HAPLN2: variants seen among roughly 807,000 people sequenced by gnomAD.
HAPLN2 encodes the protein hyaluronan and proteoglycan link protein 2.
Under a neutral mutation model 29.3 loss-of-function variants are expected in HAPLN2, and 27 were observed. That is an observed-to-expected ratio of 0.92 (90% CI 0.68 to 1.27). The LOEUF (loss-of-function observed/expected upper bound fraction) is 1.27. Ranked by LOEUF, HAPLN2 falls within the 50% of genes most tolerant of loss-of-function variation. The pLI is 0.00. For synonymous variants in HAPLN2, 208 were observed against 211.7 expected (o/e 0.98, Z 0.15); for missense variants, 454 against 484.3 (o/e 0.94, Z 0.59).
At chr1:156,603,124 A>G in the HAPLN2 span, among the ~76,000 whole-genome samples, 1 of 152,150 alleles carries the variant, frequency 6.6e-6, no homozygotes, top group Non-Finnish European at 1.5e-5. Context: ...CTTCAAAGGC[A>G]TTCCTTAGAG....
At position 156,623,494 on chromosome 1, in the gene HAPLN2, C is replaced by T. The variant is rs1678324053; in HGVS notation, c.4C>T (p.Pro2Ser). 1 of 1,614,066 alleles carries T rather than the reference C, an allele frequency of 6.2e-7. No homozygotes were observed. Among genetic ancestry groups the T allele is most frequent in the Non-Finnish European group, 8.5e-7 (1 of 1,179,998 alleles). Residue 2 changes from proline (P) to serine (S), a missense_variant, in exon 3 of 7, where the codon CCA becomes TCA. Transcript: ENST00000255039. ...GGTGCCGGGCTGACCCCCCATCATG[C>T]CAGGCTGGCTCACCCTCCCCACACT... Reference protein sequence around the residue: MPGWLTLPTLCR... With the variant: MSGWLTLPTLCR...
At chr1:156,617,598 T>A (rs535306521), upstream of HAPLN2, among the ~76,000 whole-genome samples, 4 of 151,754 alleles carry the variant, frequency 2.6e-5, no homozygotes, top group South Asian at 8.4e-4. Flanking sequence ...ATCCGCCCAC[T>A]TCGGCCTCCC....
chr1:156,602,294 T>C, the HAPLN2 span, among the ~76,000 whole-genome samples: 4 of 151,964 alleles, frequency 2.6e-5, no homozygotes, highest in Non-Finnish European at 4.4e-5. Context: ...CCTTTGGTAC[T>C]GGGGGATAAA....
At chr1:156,618,765 C>G (rs537154884), upstream of HAPLN2, among the ~76,000 whole-genome samples, 318 of 112,894 alleles carry the variant, frequency 2.8e-3, 3 homozygotes, top group African/African-American at 0.011. Context: ...AGCGACAGTG[C>G]GAGACTCCGT....
the HAPLN2 span, among the ~76,000 whole-genome samples, chr1:156,603,808 G>C: frequency 1.4e-4 from 22 of 152,208 alleles, no homozygotes; most frequent in Admixed American, 1.4e-3. Flanking sequence ...CTCTTGTCCT[G>C]TTAGGCCTCA....
At chr1:156,622,018 G>A (rs1223268914) in intron 2 of HAPLN2, among the ~76,000 whole-genome samples, 1 of 151,252 alleles carries the variant, frequency 6.6e-6, no homozygotes, top group Non-Finnish European at 1.5e-5. Context: ...ATAGATAATT[G>A]CATTTGAAGT....
At chr1:156,619,583 T>A (rs1678154078) in intron 1 of HAPLN2, 48 bp downstream of exon 1, 2 of 152,212 alleles carry the variant, frequency 1.3e-5, no homozygotes, top group Admixed American at 1.3e-4. Context: ...GCTGCTTAGA[T>A]GAGGCGCATA....
intron 2 of HAPLN2, among the ~76,000 whole-genome samples, chr1:156,620,434 T>A (rs948529779): frequency 9.2e-5 from 14 of 152,216 alleles, no homozygotes; most frequent in African/African-American, 3.4e-4. Context: ...AATATACATG[T>A]AAAGTGCTTA....
chr1:156,624,003 T>A lies in HAPLN2; in HGVS notation c.282T>A (p.Tyr94Ter). 1 of 1,610,178 alleles carries A rather than the reference T, an allele frequency of 6.2e-7. No individual in the cohort carries two copies. Among genetic ancestry groups the A allele is most frequent in the Non-Finnish European group, 8.5e-7 (1 of 1,178,324 alleles). Residue 94 changes from tyrosine to a stop codon, truncating the protein, a stop_gained, in exon 4 of 7, where the codon TAT becomes TAA. Transcript: ENST00000255039. LOFTEE classifies it high-confidence loss of function. ...CCAACGGACTGCACGCCCGGGGGTATGGGCCCCTGGGAGGGCGCGCCAGGA... is the reference window on the plus strand; with the variant it reads ...CCAACGGACTGCACGCCCGGGGGTAAGGGCCCCTGGGAGGGCGCGCCAGGA... ...LITNGLHARG[Y>*]GPLGGRARMR...
At position 156,624,070 on chromosome 1, in the gene HAPLN2, G is replaced by A. The variant is rs768472349; in HGVS notation, c.349G>A (p.Gly117Ser). The A allele has an allele frequency of 6.2e-7, 1 of 1,613,486 alleles. No individual in the cohort carries two copies. Among genetic ancestry groups the A allele is most frequent in the African/African-American group, 1.3e-5 (1 of 74,926 alleles). The change falls in exon 4 of 7, where the codon GGC (glycine) becomes AGC (serine). Residue 117 changes from glycine (G) to serine (S), a missense_variant. Around this residue, in one of 3 missense-constraint regions of HAPLN2, gnomAD observed 204 missense variants for 209.2 expected, o/e 0.98. Transcript: ENST00000255039. ...ACTAGACGCCTCCCTGGTCATCGCG[G>A]GCGTGCGCCTGGAGGACGAGGGCCG... ...HRLDASLVIAGVRLEDEGRYR... is the reference protein window; with the variant it reads ...HRLDASLVIASVRLEDEGRYR...
chr1:156,604,360 T>C, the HAPLN2 span, among the ~76,000 whole-genome samples: 1 of 151,876 alleles, frequency 6.6e-6, no homozygotes, highest in South Asian at 2.1e-4. Flanking sequence ...TGGCACGATC[T>C]TGGTTCACTG....
chr1:156,618,478 TA>T (rs1046412040), upstream of HAPLN2, among the ~76,000 whole-genome samples: 8 of 151,030 alleles, frequency 5.3e-5, no homozygotes, highest in South Asian at 2.1e-4. Context: ...GGCCTTGTCT[TA>T]AAAAAAAAAT....
In HAPLN2 at chr1:156,625,675, G is replaced by T; in HGVS notation, c.*291G>T. ...CGCCGGGGGGAGGGTGAGGCGGCCG[G>T]GGGCATTAACTGACCTCTGAGTACA... On this transcript the variant is annotated 3_prime_UTR_variant, in exon 7 of 7. Transcript: ENST00000255039. This position sits in a 1 kb window ranked among gnomAD's most constrained non-coding sequence, Gnocchi z 5.7. 2.5e-6 allele frequency: 1 copy of T among 400,160 alleles called. No individual in the cohort carries two copies. Among genetic ancestry groups the T allele is most frequent in the South Asian group, 5.3e-5 (1 of 18,878 alleles). The allele number at this position is 400,160 out of a possible 1,614,324, so 24.8% of individuals were successfully genotyped here. A position where few individuals can be genotyped will look rare whatever the true frequency, so the allele number is the denominator to read the frequency against.
chr1:156,618,742 G>A (rs570287793), upstream of HAPLN2, among the ~76,000 whole-genome samples: 6 of 125,250 alleles, frequency 4.8e-5, no homozygotes, highest in African/African-American at 1.6e-4. Context: ...TCGTGCCACC[G>A]CACTCCAGCC....
chr1:156,608,398 G>T, the HAPLN2 span, among the ~76,000 whole-genome samples: 9 of 152,122 alleles, frequency 5.9e-5, no homozygotes, highest in Non-Finnish European at 1.2e-4. Flanking sequence ...TCTTGTCTCT[G>T]CCTTTCCCTG....
the HAPLN2 span, among the ~76,000 whole-genome samples, chr1:156,602,788 G>C: frequency 1.3e-5 from 2 of 151,882 alleles, no homozygotes; most frequent in Admixed American, 6.6e-5. Context: ...TACAGCAAAA[G>C]GGACTGCACA....
chr1:156,616,365 T>G (rs1034750878), upstream of HAPLN2, among the ~76,000 whole-genome samples: 7 of 152,192 alleles, frequency 4.6e-5, no homozygotes, highest in African/African-American at 1.7e-4. Context: ...TGGCTATTCA[T>G]TATATGTATT....
rs771768363 is a variant in HAPLN2 at position 156,623,992 on chromosome 1, G to A, written c.271G>A (p.Ala91Thr). ...TLILITNGLHARGYGPLGGRA... is the reference protein window; with the variant it reads ...TLILITNGLHTRGYGPLGGRA... ...GATCCTCATCACCAACGGACTGCACGCCCGGGGGTATGGGCCCCTGGGAGG... is the reference window on the plus strand; with the variant it reads ...GATCCTCATCACCAACGGACTGCACACCCGGGGGTATGGGCCCCTGGGAGG... The change falls in exon 4 of 7, where the codon GCC (alanine) becomes ACC (threonine). Residue 91 changes from alanine (A) to threonine (T), a missense_variant. Coordinates refer to ENST00000255039, the MANE Select transcript of HAPLN2 (RefSeq NM_021817.3). 5.3e-5 allele frequency: 85 copies of A among 1,608,562 alleles called. No individual in the cohort carries two copies. Among genetic ancestry groups the A allele is most frequent in the Non-Finnish European group, 7.0e-5 (83 of 1,177,466 alleles).
At chr1:156,624,861 G>C (rs968011211) in intron 6 of HAPLN2, 78 bp downstream of exon 6, 38 of 1,419,186 alleles carry the variant, frequency 2.7e-5, no homozygotes, top group Non-Finnish European at 3.5e-5. Flanking sequence ...CTCAGCTTGA[G>C]ATCAGGGCAG....
Sources: allele counts gnomAD v4.1 joint callset (sites outside exome capture counted in the v4.1 genomes callset), GRCh38; gene constraint gnomAD v4.1.1; regional missense constraint gnomAD v4.1.1; non-coding constraint Gnocchi (gnomAD v3.1); transcripts MANE v1.5; gene names NCBI Gene and HGNC (gene_info 2026-07-23, HGNC 2026-07-21).